Variants in TEX26 observed in about 807,000 individuals in gnomAD.
TEX26 encodes the protein testis expressed 26, also known as testis-expressed protein 26.
A neutral mutation model predicts 35.3 loss-of-function variants in TEX26; 34 were observed. The observed-to-expected ratio is 0.96, with a 90% confidence interval of 0.73 to 1.28. The LOEUF (loss-of-function observed/expected upper bound fraction) is 1.28. Among genes scored for constraint, TEX26 ranks in the 50% most tolerant of loss-of-function variants. The pLI, the probability that TEX26 is intolerant of heterozygous loss-of-function variation, is 0.00. For synonymous variants in TEX26, 136 were observed against 111.8 expected (o/e 1.22, Z -1.36); for missense variants, 371 against 330.1 (o/e 1.12, Z -0.96).
chr13:30,969,072 C>T, intron 6 of TEX26, 26 bp downstream of exon 6: 4 of 1,597,504 alleles, frequency 2.5e-6, no homozygotes, highest in Non-Finnish European at 3.4e-6. Context: ...ATTTCACACA[C>T]TTACAGATCA....
intron 3 of TEX26, among the ~76,000 whole-genome samples, chr13:30,955,857 C>G (rs567974250): frequency 6.6e-6 from 1 of 152,132 alleles, no homozygotes; most frequent in Admixed American, 6.5e-5. Flanking sequence ...TGTGTGAGTG[C>G]AGGTGCGGTG....
chr13:30,954,132 G>A (rs1263809592), intron 3 of TEX26, among the ~76,000 whole-genome samples: 2 of 152,028 alleles, frequency 1.3e-5, no homozygotes, highest in South Asian at 2.1e-4. Context: ...CAGGTCTGGA[G>A]CTCTTGGGGG....
At chr13:30,958,276 T>C (rs1226967569) in intron 4 of TEX26, among the ~76,000 whole-genome samples, 1 of 152,260 alleles carries the variant, frequency 6.6e-6, no homozygotes, top group Non-Finnish European at 1.5e-5. Context: ...GGTGATTCAA[T>C]GCAATTTTGG....
intron 4 of TEX26, among the ~76,000 whole-genome samples, chr13:30,963,118 G>A (rs547653865): frequency 3.9e-5 from 6 of 152,134 alleles, no homozygotes; most frequent in South Asian, 4.2e-4. Flanking sequence ...ATGAGCCACC[G>A]TGCTCAGCTG....
chr13:30,942,050 C>A lies in TEX26; in HGVS notation c.146+2272C>A, dbSNP rs190857322. Among the ~76,000 whole-genome samples the A allele has an allele frequency of 5.4e-4, 82 of 152,202 alleles. 3 individuals carry two copies. The South Asian group carries it at 6.8e-3, about 13-fold the overall frequency. Reference sequence around the variant, plus strand: ...CTAGTGGTGGCATTGCTGGATCAAACGATAGATCTACTGTTAGTTCCTTAA... The same window carrying A: ...CTAGTGGTGGCATTGCTGGATCAAAAGATAGATCTACTGTTAGTTCCTTAA... On this transcript the variant is annotated intron_variant, in intron 2 of 6. Transcript: ENST00000380473.
chr13:30,955,623 A>G (rs1954098637), intron 3 of TEX26, among the ~76,000 whole-genome samples: 1 of 152,236 alleles, frequency 6.6e-6, no homozygotes, highest in African/African-American at 2.4e-5. Context: ...TAGAAGGGGA[A>G]GTACAGTGAA....
intron 4 of TEX26, 35 bp downstream of exon 4, chr13:30,957,064 AT>A: frequency 6.2e-7 from 1 of 1,602,626 alleles, no homozygotes; most frequent in Non-Finnish European, 8.5e-7. Flanking sequence ...TTCCTGGGTC[AT>A]GTGGTAGGCC....
chr13:30,947,367 G>C (rs181962281), intron 2 of TEX26, among the ~76,000 whole-genome samples: 1 of 151,922 alleles, frequency 6.6e-6, no homozygotes, highest in Non-Finnish European at 1.5e-5. Context: ...AAGAAACTTT[G>C]TTCATATATA....
chr13:30,956,328 C>A (rs1038026837), intron 3 of TEX26, among the ~76,000 whole-genome samples: 1 of 151,884 alleles, frequency 6.6e-6, no homozygotes, highest in Non-Finnish European at 1.5e-5. Flanking sequence ...ATCCATGTCC[C>A]TACAAAGGAC....
At position 30,956,879 on chromosome 13, in the gene TEX26, T is replaced by G. The variant is rs1158652130; in HGVS notation, c.319T>G (p.Phe107Val). 4 of 1,613,926 alleles carry G rather than the reference T, an allele frequency of 2.5e-6. No individual in the cohort carries two copies. The highest frequency in any genetic ancestry group is 1.7e-4 in the Middle Eastern group (1 of 6,060). Reference sequence around the variant, plus strand: ...ATTATGTTTGCTTTGATAGGACATTTTCCTGTGGACACTACCTCACTGTCA... The same window carrying G: ...ATTATGTTTGCTTTGATAGGACATTGTCCTGTGGACACTACCTCACTGTCA... ...SHKSHLNEDI[F>V]LWTLPHCQQT... Residue 107 changes from phenylalanine (F) to valine (V), a missense_variant, in exon 4 of 7, where the codon TTC becomes GTC. By Grantham distance (50) the Phe-to-Val change is conservative (BLOSUM62 -1). Transcript: ENST00000380473.
intron 2 of TEX26, among the ~76,000 whole-genome samples, chr13:30,945,310 A>G (rs1026738652): frequency 6.6e-6 from 1 of 150,452 alleles, no homozygotes; most frequent in African/African-American, 2.4e-5. Context: ...ATCTTTTTCC[A>G]CCCTTTTTCC....
intron 2 of TEX26, among the ~76,000 whole-genome samples, chr13:30,945,043 T>C (rs1953651610): frequency 6.6e-6 from 1 of 152,072 alleles, no homozygotes; most frequent in South Asian, 2.1e-4. Flanking sequence ...CAATGGAGTG[T>C]TGGAGTCCCC....
chr13:30,947,757 A>T (rs1471697565), intron 2 of TEX26, among the ~76,000 whole-genome samples: 1 of 152,130 alleles, frequency 6.6e-6, no homozygotes, highest in Non-Finnish European at 1.5e-5. Context: ...TTATTATTAT[A>T]CTTTAAGTTT....
intron 2 of TEX26, among the ~76,000 whole-genome samples, chr13:30,947,355 T>A (rs1250774045): frequency 6.6e-6 from 1 of 152,160 alleles, no homozygotes; most frequent in Non-Finnish European, 1.5e-5. Flanking sequence ...GATTTTAATG[T>A]TAAGAAACTT....
intron 2 of TEX26, among the ~76,000 whole-genome samples, chr13:30,945,439 A>G (rs1479863877): frequency 1.3e-5 from 2 of 151,730 alleles, no homozygotes; most frequent in Non-Finnish European, 2.9e-5. Flanking sequence ...TATTTAGGCC[A>G]TTTATGTTCA....
At chr13:30,934,653 G>A (rs1953200229) in intron 1 of TEX26, among the ~76,000 whole-genome samples, 1 of 152,170 alleles carries the variant, frequency 6.6e-6, no homozygotes, top group South Asian at 2.1e-4. Flanking sequence ...CATCATGCTG[G>A]CTGCAGCAGG....
intron 4 of TEX26, among the ~76,000 whole-genome samples, chr13:30,963,451 A>G (rs935736695): frequency 6.6e-6 from 1 of 152,234 alleles, no homozygotes; most frequent in Admixed American, 6.5e-5. Context: ...GCTCATTAAC[A>G]CAACATTTTA....
In TEX26 at chr13:30,963,925, C is replaced by T. The variant is rs529530325; in HGVS notation, c.470-2297C>T. Among the ~76,000 whole-genome samples the T allele has an allele frequency of 1.2e-3, 183 of 152,258 alleles. 2 individuals carry two copies. The highest frequency in any genetic ancestry group is 3.1e-3 in the South Asian group (15 of 4,828). On this transcript the variant is annotated intron_variant, in intron 4 of 6. Coordinates refer to ENST00000380473, the MANE Select transcript of TEX26 (RefSeq NM_152325.3). Reference sequence around the variant, plus strand: ...CCGGTCCATCATTGTTCATGTGGAACGGACGTTCCAGACTCTTCACAGCCT... The same window carrying T: ...CCGGTCCATCATTGTTCATGTGGAATGGACGTTCCAGACTCTTCACAGCCT...
At chr13:30,967,838 G>T (rs1436798322) in intron 5 of TEX26, among the ~76,000 whole-genome samples, 1 of 152,164 alleles carries the variant, frequency 6.6e-6, no homozygotes, top group Non-Finnish European at 1.5e-5. Context: ...GGTGTTGCCT[G>T]CACCTCAGAC....
Sources: allele counts gnomAD v4.1 joint callset (sites outside exome capture counted in the v4.1 genomes callset), GRCh38; gene constraint gnomAD v4.1.1; transcripts MANE v1.5; gene names NCBI Gene and HGNC (gene_info 2026-07-23, HGNC 2026-07-21).